The following CCDC159 variants were observed in gnomAD, a reference collection of about 807,000 sequenced individuals.
The protein encoded by CCDC159 is coiled-coil domain-containing protein 159.
In CCDC159, 40 loss-of-function variants were observed where a neutral mutation model predicts 50.9. The observed-to-expected ratio is 0.79, with a 90% CI of 0.61 to 1.02. The LOEUF (loss-of-function observed/expected upper bound fraction) is 1.02. CCDC159 is among the 50% of genes least tolerant of loss of function. The probability of loss-of-function intolerance (pLI) is 0.00; values close to 1 mark genes in which losing one functional copy is unlikely to be tolerated. For missense variants in CCDC159, 356 were observed against 371.5 expected, an observed-to-expected ratio of 0.96 and a Z score of 0.34; for synonymous variants, 146 against 138.9, an observed-to-expected ratio of 1.05 and a Z score of -0.36.
chr19:11,351,845 G>GGGGCATGGGAGGTCAGGGGCC, intron 5 of CCDC159, 61 bp from the exon 6 acceptor site: 2 of 1,470,160 alleles, frequency 1.4e-6, no homozygotes, highest in Non-Finnish European at 1.9e-6. Flanking sequence ...GGCACAGATA[G>GGGGCATGGGAGGTCAGGGGCC]GGGCATGGGA....
chr19:11,348,680 C>G, intron 1 of CCDC159: 1 of 456,566 alleles, frequency 2.2e-6, no homozygotes, highest in South Asian at 1.5e-5. Context: ...TCTGGCATGT[C>G]AGGGAGGGTC....
Position 11,353,474 on chromosome 19 carries a change from G to T in CCDC159, c.591G>T (p.Gln197His), listed in dbSNP as rs776861127. 1.3e-6 allele frequency: 2 copies of T among 1,591,714 alleles called. No homozygotes were observed. The highest frequency in any genetic ancestry group is 1.8e-5 in the Admixed American group (1 of 55,890). ...AGATCCTGACCAAGATGAAGCAGCAGGGTCATGAGACAGCCGCCTGTCCGG... is the reference window on the plus strand; with the variant it reads ...AGATCCTGACCAAGATGAAGCAGCATGGTCATGAGACAGCCGCCTGTCCGG... The part of the protein sequence containing the change: ...CRKILTKMKQ[Q>H]GHETAACPET... The change falls in exon 8 of 11, where the codon CAG (glutamine) becomes CAT (histidine). Residue 197 changes from glutamine (Q) to histidine (H), a missense_variant. Transcript: ENST00000458408.
At chr19:11,349,729 T>C in intron 2 of CCDC159, 42 bp downstream of exon 2, 1 of 1,483,542 alleles carries the variant, frequency 6.7e-7, no homozygotes. Context: ...GGGGAAGACC[T>C]GCTGGTTTCT....
Position 11,354,929 on chromosome 19 carries a change from C to A in CCDC159, c.*52C>A. 3 of 1,580,166 alleles carry A rather than the reference C, an allele frequency of 1.9e-6. No individual in the cohort carries two copies. Among genetic ancestry groups the A allele is most frequent in the Non-Finnish European group, 2.6e-6 (3 of 1,149,284 alleles). On this transcript the variant is annotated 3_prime_UTR_variant, in exon 11 of 11. Coordinates refer to ENST00000458408, the MANE Select transcript of CCDC159 (RefSeq NM_001080503.3). Reference sequence around the variant, plus strand: ...CCCCTCCAGAGAGAAAATAAACTAGCCCAGACCCTCCTCTAGCCCCGACTG... The same window carrying A: ...CCCCTCCAGAGAGAAAATAAACTAGACCAGACCCTCCTCTAGCCCCGACTG...
intron 1 of CCDC159, among the ~76,000 whole-genome samples, chr19:11,346,973 A>G (rs1967274448): frequency 6.6e-6 from 1 of 152,140 alleles, no homozygotes; most frequent in Admixed American, 6.5e-5. Context: ...GACTATTATG[A>G]CATCTCGTTT....
At position 11,351,894 on chromosome 19, in the gene CCDC159, C is replaced by T. The variant is rs1331821653; in HGVS notation, c.423-12C>T. 1.9e-6 allele frequency: 3 copies of T among 1,584,804 alleles called. No homozygotes were observed. The South Asian group carries it at 3.5e-5, about 18-fold the overall frequency. Reference sequence around the variant, plus strand: ...GCAGGGAGTGCAGGTCTAGGCTGCACTGTCCCCTCAGCAAGAAGTTCCTGT... The same window carrying T: ...GCAGGGAGTGCAGGTCTAGGCTGCATTGTCCCCTCAGCAAGAAGTTCCTGT... On this transcript the variant is annotated splice_polypyrimidine_tract_variant and intron_variant, in intron 5 of 10. Transcript: ENST00000458408.
chr19:11,350,951 CG>C lies in CCDC159; in HGVS notation c.373del (p.Ala125ProfsTer32). 1 of 1,554,088 alleles carries C rather than the reference CG, an allele frequency of 6.4e-7. No individual in the cohort carries two copies. The highest frequency in any genetic ancestry group is 2.4e-5 in the East Asian group (1 of 41,172). On this transcript the variant is annotated frameshift_variant, in exon 5 of 11. Transcript: ENST00000458408. LOFTEE classifies it high-confidence loss of function. ...CCTGCGTGACAGTGAGGAGATGCAG[CG>C]GGCCCGCACCACTCGCTGCCTGCAG... ...KTLRDSEEMQ[R>X]ARTTRCLQLL...
intron 1 of CCDC159, among the ~76,000 whole-genome samples, chr19:11,347,952 T>A (rs1269869272): frequency 2.0e-5 from 3 of 152,208 alleles, no homozygotes; most frequent in African/African-American, 7.2e-5. Flanking sequence ...GCCCTGCCTC[T>A]CCTGCTCACA....
At chr19:11,349,811 G>C (rs1967470053) in intron 2 of CCDC159, 124 bp downstream of exon 2, 1 of 1,177,476 alleles carries the variant, frequency 8.5e-7, no homozygotes, top group African/African-American at 1.5e-5. Flanking sequence ...CCAAGGCTGA[G>C]TGGGCCCCTG....
At position 11,354,650 on chromosome 19, in the gene CCDC159, C is replaced by T. The variant is rs1474638601; in HGVS notation, c.843C>T (p.Asp281=). The stretch of plus-strand genomic sequence containing the variant: ...ACTCTGACTCCGACTGTGACCAGGA[C>T]CTCTCCCAGCCACCTTTCAGCAAGA... ...SWDSDSDCDQ[D]LSQPPFSKSG... The change falls in exon 10 of 11, where the codon GAC becomes GAT. Residue 281 remains aspartate (D), a synonymous_variant. Coordinates refer to ENST00000458408, the MANE Select transcript of CCDC159 (RefSeq NM_001080503.3). The T allele has an allele frequency of 4.4e-6, 7 of 1,606,558 alleles. No homozygotes were observed. Among genetic ancestry groups the T allele is most frequent in the East Asian group, 2.2e-5 (1 of 44,616 alleles).
intron 9 of CCDC159, 107 bp from the exon 10 acceptor site, chr19:11,354,473 T>C (rs565774563): frequency 2.7e-4 from 283 of 1,029,580 alleles, no homozygotes; most frequent in Non-Finnish European, 3.7e-4. Context: ...TTCAAGGGAA[T>C]TGGGGGTCAT....
Position 11,353,351 on chromosome 19 carries a change from C to T in CCDC159, c.568-100C>T, listed in dbSNP as rs556078543. 4.6e-5 allele frequency: 59 copies of T among 1,271,848 alleles called. 1 individual carries two copies. In the South Asian group the frequency reaches 6.6e-4, roughly 14 times the overall value. 78.8% of individuals were successfully genotyped at this position (1,271,848 alleles called of 1,614,324 possible). On this transcript the variant is annotated intron_variant, in intron 7 of 10. Coordinates refer to ENST00000458408, the MANE Select transcript of CCDC159 (RefSeq NM_001080503.3). ...TCCTGACCTCGTGATCTGCCCGCCT[C>T]GGCCTCCCAAAGTGCTGGGATTACA...
Position 11,354,565 on chromosome 19 carries a change from C to G in CCDC159, c.773-15C>G. 1 of 1,564,696 alleles carries G rather than the reference C, an allele frequency of 6.4e-7. No homozygotes were observed. Among genetic ancestry groups the G allele is most frequent in the Non-Finnish European group, 8.7e-7 (1 of 1,155,222 alleles). On this transcript the variant is annotated splice_polypyrimidine_tract_variant and intron_variant, in intron 9 of 10. Coordinates refer to ENST00000458408, the MANE Select transcript of CCDC159 (RefSeq NM_001080503.3). ...TACTTGAGGGTCACATTCAGGGAACCTGTCCCTCCTGCAGGCCACAAGGGG... is the reference window on the plus strand; with the variant it reads ...TACTTGAGGGTCACATTCAGGGAACGTGTCCCTCCTGCAGGCCACAAGGGG...
At chr19:11,351,136 G>T (rs748860924) in intron 5 of CCDC159, 133 bp downstream of exon 5, 4 of 958,994 alleles carry the variant, frequency 4.2e-6, no homozygotes, top group Non-Finnish European at 6.0e-6. Context: ...AAAGCCTGAG[G>T]GACAAGAAGA....
chr19:11,349,192 T>C (rs1323380807), intron 1 of CCDC159: 1 of 1,338,334 alleles, frequency 7.5e-7, no homozygotes. Context: ...ACAACGTAGC[T>C]AAGGTCACCC....
intron 1 of CCDC159, among the ~76,000 whole-genome samples, chr19:11,348,573 G>A (rs1273578460): frequency 2.6e-5 from 4 of 152,190 alleles, no homozygotes; most frequent in Non-Finnish European, 5.9e-5. Context: ...ACAGGCGTGA[G>A]CCACCATTGC....
At position 11,354,858 on chromosome 19, in the gene CCDC159, CCTCT is replaced by C. The variant is rs750496064; in HGVS notation, c.890-9_890-6del. 23 of 1,613,188 alleles carry C rather than the reference CCTCT, an allele frequency of 1.4e-5. No homozygotes were observed. The highest frequency in any genetic ancestry group is 1.9e-5 in the Non-Finnish European group (23 of 1,179,854). ...TGGACCTGGCCAGGCCCTGACCCACCCTCTCTCTCCACAGCTTGAGCAGCCGGGA... is the reference window on the plus strand; with the variant it reads ...TGGACCTGGCCAGGCCCTGACCCACCCTCTCCACAGCTTGAGCAGCCGGGA... On this transcript the variant is annotated splice_polypyrimidine_tract_variant and intron_variant, in intron 10 of 10. Coordinates refer to ENST00000458408, the MANE Select transcript of CCDC159 (RefSeq NM_001080503.3).
chr19:11,348,664 G>T (rs540264607), intron 1 of CCDC159: 4 of 452,578 alleles, frequency 8.8e-6, no homozygotes, highest in Non-Finnish European at 1.8e-5. Context: ...TTAGGGCTGA[G>T]GCCTCTCTGG....
At chr19:11,349,164 A>G in intron 1 of CCDC159, 1 of 1,348,276 alleles carries the variant, frequency 7.4e-7, no homozygotes, top group Non-Finnish European at 9.8e-7. Context: ...AATGACCAGG[A>G]CATTTTGAAG....
Sources: gnomAD v4.1 joint callset for allele counts (sites outside exome capture counted in the v4.1 genomes callset) on GRCh38, gnomAD v4.1.1 for gene constraint, MANE v1.5 for transcripts, NCBI Gene and HGNC (gene_info 2026-07-23, HGNC 2026-07-21) for gene names.